FGD5: variants seen among roughly 807,000 people sequenced by gnomAD.
FGD5 encodes the protein FYVE, RhoGEF and PH domain-containing protein 5.
In FGD5, 28 loss-of-function variants were observed where a neutral mutation model predicts 133.4. The ratio of observed to expected loss-of-function variants is 0.21; its 90% CI spans 0.16 to 0.29. The LOEUF is 0.29. FGD5 is among the 10% of genes least tolerant of loss of function. The pLI is 1.00. For missense variants in FGD5, 1,858 were observed against 1,895.2 expected, an observed-to-expected ratio of 0.98 and a Z score of 0.36; for synonymous variants, 810 against 776.5, an observed-to-expected ratio of 1.04 and a Z score of -0.72.
At chr3:14,852,737 A>T (rs917290075) in intron 1 of FGD5, among the ~76,000 whole-genome samples, 9 of 152,200 alleles carry the variant, frequency 5.9e-5, no homozygotes, top group African/African-American at 1.7e-4. Flanking sequence ...GAATTTTTTT[A>T]AAAGTCTCTC....
chr3:14,924,237 A>AC, intron 17 of FGD5, 99 bp downstream of exon 17: 1 of 1,566,690 alleles, frequency 6.4e-7, no homozygotes, highest in East Asian at 2.3e-5. Flanking sequence ...TCCCAGCCTG[A>AC]CCAGTCTCTT....
chr3:14,810,990 G>T, intron 1 of FGD5: 4 of 814,016 alleles, frequency 4.9e-6, no homozygotes, highest in Non-Finnish European at 5.9e-6. Flanking sequence ...TTCCAGTGCC[G>T]CTCGGCCTCG....
intron 2 of FGD5, among the ~76,000 whole-genome samples, chr3:14,872,676 G>T (rs778886435): frequency 6.6e-6 from 1 of 152,240 alleles, no homozygotes; most frequent in African/African-American, 2.4e-5. Context: ...ATGTATTACA[G>T]TTAGGCCTTA....
chr3:14,932,405 A>G, intron 18 of FGD5, 172 bp from the exon 19 acceptor site: 1 of 659,242 alleles, frequency 1.5e-6, no homozygotes, highest in Admixed American at 3.4e-5. Context: ...TTCCTTCCTC[A>G]GGGCTGGCTC....
At chr3:14,859,369 C>T (rs1422049762) in intron 1 of FGD5, among the ~76,000 whole-genome samples, 1 of 152,036 alleles carries the variant, frequency 6.6e-6, no homozygotes, top group African/African-American at 2.4e-5. Flanking sequence ...CCAGCCTGGC[C>T]AAGATGGTGA....
chr3:14,893,752 C>CTTTTTTTTTTT (rs138741627), intron 4 of FGD5, among the ~76,000 whole-genome samples: 35 of 95,058 alleles, frequency 3.7e-4, no homozygotes, highest in Non-Finnish European at 4.7e-4. Flanking sequence ...TTTCTTTTTT[C>CTTTTTTTTTTT]TTTTTTTTTT....
At chr3:14,892,200 T>C (rs557681859) in intron 4 of FGD5, among the ~76,000 whole-genome samples, 1 of 151,956 alleles carries the variant, frequency 6.6e-6, no homozygotes, top group African/African-American at 2.4e-5. Context: ...GACCTTTTTT[T>C]TTTATTTTTT....
Position 14,880,655 on chromosome 3 carries a change from G to A in FGD5, c.2717+25G>A, listed in dbSNP as rs1433698602. The A allele has an allele frequency of 1.1e-5, 18 of 1,613,992 alleles. 2 individuals carry two copies. The East Asian group carries it at 3.8e-4, about 34-fold the overall frequency. Reference sequence around the variant, plus strand: ...CGTGAGTCCCCAAGGAGCTGCCTGTGGCCTTGAGCTTATAAACAAAACGTC... The same window carrying A: ...CGTGAGTCCCCAAGGAGCTGCCTGTAGCCTTGAGCTTATAAACAAAACGTC... On this transcript the variant is annotated intron_variant, in intron 3 of 19. Transcript: ENST00000285046.
chr3:14,878,074 C>T (rs1373341193), intron 2 of FGD5, among the ~76,000 whole-genome samples: 1 of 152,138 alleles, frequency 6.6e-6, no homozygotes, highest in Non-Finnish European at 1.5e-5. Context: ...GACTTTTGAG[C>T]AGAGACCTGA....
intron 12 of FGD5, 121 bp from the exon 13 acceptor site, chr3:14,918,633 C>G: frequency 2.1e-6 from 2 of 956,714 alleles, no homozygotes; most frequent in Non-Finnish European, 1.6e-6. Flanking sequence ...AAGGTATGCC[C>G]TGAGGCTAGA....
chr3:14,900,130 G>A (rs2038209529), intron 7 of FGD5, among the ~76,000 whole-genome samples: 1 of 152,174 alleles, frequency 6.6e-6, no homozygotes, highest in African/African-American at 2.4e-5. Flanking sequence ...GATTCACCTT[G>A]TTGTGTCTGT....
At chr3:14,849,652 A>C (rs2037120833) in intron 1 of FGD5, among the ~76,000 whole-genome samples, 1 of 152,188 alleles carries the variant, frequency 6.6e-6, no homozygotes, top group Admixed American at 6.5e-5. Flanking sequence ...CTCAGTGCTT[A>C]ATAAATGAAT....
chr3:14,876,563 A>G (rs2037724009), intron 2 of FGD5, among the ~76,000 whole-genome samples: 1 of 152,244 alleles, frequency 6.6e-6, no homozygotes. Flanking sequence ...CCTGTTTTCT[A>G]AAACAATCAA....
rs748006378 is a variant in FGD5, at chr3:14,820,275, G to T, written c.1204G>T (p.Gly402Cys). ...GTGTGGCCAGTGTGGCTCCCTACAG[G>T]GTGGAGCGGCCGAGGGTCCCGCAGC... is the stretch of plus-strand genomic sequence containing the variant. ...ALCGQCGSLQGGAAEGPAAPD... is the reference protein window; with the variant it reads ...ALCGQCGSLQCGAAEGPAAPD... Residue 402 changes from glycine (G) to cysteine (C), a missense_variant, in exon 1 of 20, where the codon GGT (glycine) becomes TGT (cysteine). Physicochemically the swap from Gly to Cys is radical, Grantham distance 159. This residue lies in a region of FGD5 where 1,824 missense variants were observed against 1,848.9 expected (regional missense o/e 0.99). Coordinates refer to ENST00000285046, the MANE Select transcript of FGD5 (RefSeq NM_152536.4). The T allele has an allele frequency of 1.2e-6, 2 of 1,605,380 alleles. No individual in the cohort carries two copies. Among genetic ancestry groups the T allele is most frequent in the Admixed American group, 3.4e-5 (2 of 59,444 alleles).
intron 7 of FGD5, 125 bp from the exon 8 acceptor site, chr3:14,900,278 C>T: frequency 4.4e-6 from 4 of 901,460 alleles, no homozygotes; most frequent in Non-Finnish European, 7.1e-6. Flanking sequence ...GTGATGGGGC[C>T]AGCAGGGGAG....
chr3:14,870,818 C>T (rs2037592735), intron 2 of FGD5, among the ~76,000 whole-genome samples: 2 of 152,176 alleles, frequency 1.3e-5, no homozygotes, highest in Admixed American at 1.3e-4. Flanking sequence ...CATCCTCTTC[C>T]CATCCCCGGC....
intron 17 of FGD5, among the ~76,000 whole-genome samples, chr3:14,924,457 C>T (rs1486847543): frequency 6.6e-6 from 1 of 152,172 alleles, no homozygotes; most frequent in Non-Finnish European, 1.5e-5. Context: ...GAGCCAAATT[C>T]CTGTGTTGGT....
In FGD5 at chr3:14,922,215, C is replaced by G. The variant is rs1025203950; in HGVS notation, c.3670-196C>G. The G allele has an allele frequency of 1.0e-5, 10 of 1,001,856 alleles. No individual in the cohort carries two copies. The African/African-American group carries it at 1.4e-4, about 14-fold the overall frequency. 62.1% of individuals were successfully genotyped at this position (1,001,856 alleles called of 1,614,324 possible). On this transcript the variant is annotated intron_variant, in intron 14 of 19. Transcript: ENST00000285046. This position sits in a 1 kb window ranked among gnomAD's most constrained non-coding sequence, Gnocchi z 4.1. ...AACCTAGGAGCCCAGCACCCACAGT[C>G]TTGTTCTCACAGTCTGGCTGTTTCC... is the stretch of plus-strand genomic sequence containing the variant.
chr3:14,902,634 TCTCA>T (rs2038263219), intron 9 of FGD5, among the ~76,000 whole-genome samples: 1 of 152,288 alleles, frequency 6.6e-6, no homozygotes, highest in South Asian at 2.1e-4. Flanking sequence ...TCCTCTCTTC[TCTCA>T]CTCTGCTCTG....
Sources: gnomAD v4.1 joint callset for allele counts (sites outside exome capture counted in the v4.1 genomes callset) on GRCh38, gnomAD v4.1.1 for gene constraint, gnomAD v4.1.1 regional missense constraint, Gnocchi (gnomAD v3.1) non-coding constraint, MANE v1.5 for transcripts, NCBI Gene and HGNC (gene_info 2026-07-23, HGNC 2026-07-21) for gene names.